FAF1: variants seen among roughly 807,000 people sequenced by gnomAD.
FAF1 encodes the protein Fas associated factor 1, also known as FAS-associated factor 1.
Under a neutral mutation model 92.5 loss-of-function variants are expected in FAF1, and 25 were observed. The observed-to-expected ratio is 0.27, with a 90% CI of 0.20 to 0.38. The LOEUF (loss-of-function observed/expected upper bound fraction) is 0.38, where lower values mean the gene tolerates loss of function less well. FAF1 is among the 10% of genes least tolerant of loss of function. FAF1 has a pLI of 1.00. For synonymous variants in FAF1, 234 were observed against 273.2 expected (o/e 0.86, Z 1.42); for missense variants, 636 against 793.3 (o/e 0.80, Z 2.38).
intron 2 of FAF1, among the ~76,000 whole-genome samples, chr1:50,820,924 G>C (rs545542733): frequency 6.6e-6 from 1 of 151,944 alleles, no homozygotes; most frequent in Non-Finnish European, 1.5e-5. Flanking sequence ...GGTTGTTTCC[G>C]TATGTTAGCT....
chr1:50,866,263 C>A (rs1308478210), intron 1 of FAF1, among the ~76,000 whole-genome samples: 3 of 152,038 alleles, frequency 2.0e-5, no homozygotes, highest in African/African-American at 7.2e-5. Flanking sequence ...GAAAGCATTC[C>A]CCCTGAGAAC....
rs982641160 is a variant in FAF1 at position 50,759,136 on chromosome 1, T to C, written c.368-14361A>G. Among the ~76,000 whole-genome samples the C allele has an allele frequency of 2.2e-3, 339 of 152,194 alleles. 3 individuals are homozygous for C. Among genetic ancestry groups the C allele is most frequent in the African/African-American group, 8.1e-3 (335 of 41,546 alleles). On this transcript the variant is annotated intron_variant, in intron 4 of 18. Transcript: ENST00000396153. ...TGTATTTATTATTCTTAAATCTCTC[T>C]TTTATTTTAATTTTTTTAAAATTAT... is the stretch of plus-strand genomic sequence containing the variant.
At chr1:50,850,210 T>C (rs146349863) in intron 2 of FAF1, among the ~76,000 whole-genome samples, 1 of 151,226 alleles carries the variant, frequency 6.6e-6, no homozygotes, top group African/African-American at 2.4e-5. Context: ...AACTTAGAGG[T>C]AGAAATACAT....
intron 15 of FAF1, among the ~76,000 whole-genome samples, chr1:50,504,863 T>C (rs1335053896): frequency 6.6e-6 from 1 of 152,176 alleles, no homozygotes; most frequent in African/African-American, 2.4e-5. Context: ...GGACAAGCAG[T>C]ATTGAAATCA....
At chr1:50,561,154 G>A (rs929090444) in intron 13 of FAF1, among the ~76,000 whole-genome samples, 1 of 152,092 alleles carries the variant, frequency 6.6e-6, no homozygotes, top group Non-Finnish European at 1.5e-5. Flanking sequence ...TTACTTCTGG[G>A]GTATCACAGA....
At chr1:50,510,567 C>T (rs562804766) in intron 15 of FAF1, among the ~76,000 whole-genome samples, 193 of 152,246 alleles carry the variant, frequency 1.3e-3, no homozygotes, top group Admixed American at 3.3e-3. Flanking sequence ...TCAAGTCAGT[C>T]CCTATGTGTC....
intron 12 of FAF1, among the ~76,000 whole-genome samples, chr1:50,571,715 G>A (rs757973828): frequency 1.3e-5 from 2 of 152,132 alleles, no homozygotes; most frequent in Non-Finnish European, 2.9e-5. Context: ...CTTAAGAAAT[G>A]CCCAGCTGAC....
At chr1:50,779,030 CTTTT>C (rs1342833646) in intron 4 of FAF1, among the ~76,000 whole-genome samples, 2 of 152,078 alleles carry the variant, frequency 1.3e-5, no homozygotes, top group African/African-American at 2.4e-5. Context: ...ATTCTAAATC[CTTTT>C]TTTGTCATTT....
At chr1:50,507,291 T>C (rs1464924331) in intron 15 of FAF1, among the ~76,000 whole-genome samples, 3 of 152,220 alleles carry the variant, frequency 2.0e-5, no homozygotes, top group African/African-American at 4.8e-5. Flanking sequence ...AACTCAGATA[T>C]TTGATAATTT....
Position 50,627,833 on chromosome 1 carries a change from CA to C in FAF1, c.744+27608del, listed in dbSNP as rs952421688. On this transcript the variant is annotated intron_variant, in intron 8 of 18. Coordinates refer to ENST00000396153, the MANE Select transcript of FAF1 (RefSeq NM_007051.3). ...ATTTTCCTAATTGTTTTCAACAAAA[CA>C]TTTTTTTTTTTAAATGCTGCTAAGA... Among the ~76,000 whole-genome samples, 194 of 138,582 alleles carry C rather than the reference CA, an allele frequency of 1.4e-3. 1 individual carries two copies. The highest frequency in any genetic ancestry group is 5.1e-3 in the African/African-American group (185 of 36,296). The allele number at this position is 138,582 out of a possible 152,430, so 90.9% of individuals were successfully genotyped here.
chr1:50,571,615 A>T (rs1176251710), intron 12 of FAF1, among the ~76,000 whole-genome samples: 1 of 152,202 alleles, frequency 6.6e-6, no homozygotes, highest in Non-Finnish European at 1.5e-5. Flanking sequence ...TCCTACTGGC[A>T]ATAGTGTCTG....
chr1:50,728,832 T>C (rs1052428421), intron 6 of FAF1, among the ~76,000 whole-genome samples: 5 of 147,302 alleles, frequency 3.4e-5, no homozygotes, highest in Non-Finnish European at 7.5e-5. Context: ...TAGTGGAGAG[T>C]TTTGAGCAGG....
chr1:50,891,592 T>G (rs1644720255), intron 1 of FAF1, among the ~76,000 whole-genome samples: 1 of 152,232 alleles, frequency 6.6e-6, no homozygotes, highest in Admixed American at 6.5e-5. Context: ...GACCCTCAGC[T>G]GCAGGTCTGT....
chr1:50,776,947 T>G (rs1375376861), intron 4 of FAF1, among the ~76,000 whole-genome samples: 4 of 151,690 alleles, frequency 2.6e-5, no homozygotes, highest in Admixed American at 2.0e-4. Flanking sequence ...ACAGAGGAAG[T>G]TTGGTGATTT....
At chr1:50,899,493 A>G (rs900482625) in intron 1 of FAF1, among the ~76,000 whole-genome samples, 1 of 152,122 alleles carries the variant, frequency 6.6e-6, no homozygotes, top group African/African-American at 2.4e-5. Context: ...TTTGAGACAG[A>G]GTCTCACTCT....
intron 7 of FAF1, among the ~76,000 whole-genome samples, chr1:50,697,174 G>A (rs763656427): frequency 1.3e-5 from 2 of 152,090 alleles, no homozygotes; most frequent in African/African-American, 4.8e-5. Context: ...TTTAGAATAG[G>A]TCTTATTTTC....
chr1:50,554,390 T>TATATATATATATATAGAGAGAGAGAG, intron 13 of FAF1, among the ~76,000 whole-genome samples: 37 of 93,672 alleles, frequency 3.9e-4, no homozygotes, highest in African/African-American at 5.7e-4. Flanking sequence ...TATATATATA[T>TATATATATATATATAGAGAGAGAGAG]AGAGAGAGAG....
intron 15 of FAF1, among the ~76,000 whole-genome samples, chr1:50,494,090 G>A (rs1380677715): frequency 6.6e-6 from 1 of 152,190 alleles, no homozygotes. Context: ...TGTGGCTCAG[G>A]ATGAATTTTC....
intron 6 of FAF1, among the ~76,000 whole-genome samples, chr1:50,729,054 A>ATTTTT (rs1364447973): frequency 3.1e-5 from 3 of 97,836 alleles, no homozygotes; most frequent in African/African-American, 1.3e-4. Context: ...ATATATATAT[A>ATTTTT]TATATTTTTT....
Sources: allele counts gnomAD v4.1 joint callset (sites outside exome capture counted in the v4.1 genomes callset), GRCh38; gene constraint gnomAD v4.1.1; transcripts MANE v1.5; gene names NCBI Gene and HGNC (gene_info 2026-07-23, HGNC 2026-07-21).